Variants in GABPB1 observed in about 807,000 individuals in gnomAD.
GABPB1 encodes the protein GA binding protein transcription factor subunit beta 1.
In GABPB1, 15 loss-of-function variants were observed where a neutral mutation model predicts 45.9. The observed-to-expected ratio is 0.33, with a 90% CI of 0.22 to 0.50. The LOEUF is 0.50. Ranked by LOEUF, GABPB1 falls within the 20% of genes least tolerant of loss-of-function variation. The probability of loss-of-function intolerance (pLI) is 0.98; values close to 1 mark genes in which losing one functional copy is unlikely to be tolerated. For missense variants in GABPB1, 252 were observed against 457.5 expected, an observed-to-expected ratio of 0.55 and a Z score of 4.10; for synonymous variants, 143 against 154.4, an observed-to-expected ratio of 0.93 and a Z score of 0.55.
chr15:50,328,541 T>C (rs2047849730), intron 1 of GABPB1, among the ~76,000 whole-genome samples: 1 of 152,240 alleles, frequency 6.6e-6, no homozygotes, highest in South Asian at 2.1e-4. Flanking sequence ...AATAGCAACA[T>C]GCTTGATATT....
intron 1 of GABPB1, chr15:50,347,494 T>C (rs925864048): frequency 6.6e-6 from 1 of 152,164 alleles, no homozygotes; most frequent in African/African-American, 2.4e-5. Flanking sequence ...CTCTGCATCG[T>C]TCCAATTTTA....
chr15:50,334,705 TCACCATGTTGCC>T (rs1222027847), intron 1 of GABPB1, among the ~76,000 whole-genome samples: 8 of 151,978 alleles, frequency 5.3e-5, no homozygotes, highest in South Asian at 2.1e-4. Context: ...AGACAAGGTT[TCACCATGTTGCC>T]CAGGCTGGCC....
chr15:50,296,905 CTTTTTTTT>C (rs72486745), intron 6 of GABPB1, among the ~76,000 whole-genome samples: 2 of 91,380 alleles, frequency 2.2e-5, no homozygotes, highest in African/African-American at 8.5e-5. Flanking sequence ...TAACTTAATT[CTTTTTTTT>C]TTTTTTTTTT....
rs1258933820 is a variant in GABPB1 at position 50,338,391 on chromosome 15, AG to A, written c.-1+16593del. On this transcript the variant is annotated intron_variant, in intron 1 of 8. Coordinates refer to ENST00000380877, the MANE Select transcript of GABPB1 (RefSeq NM_016654.5). ...CATGTTATGACTCCTTGTCTCCATT[AG>A]GTTAAACTTCTTTGTCTTATATACA... 2.6e-5 allele frequency among the ~76,000 whole-genome samples: 4 copies of A among 152,016 alleles called. No individual in the cohort carries two copies. The South Asian group carries it at 8.3e-4, about 32-fold the overall frequency.
At chr15:50,296,411 TTAAAA>T (rs561361653) in intron 6 of GABPB1, among the ~76,000 whole-genome samples, 16 of 152,344 alleles carry the variant, frequency 1.1e-4, no homozygotes, top group African/African-American at 3.6e-4. Context: ...ACGCTCTTGC[TTAAAA>T]TAAGATAAAA....
intron 1 of GABPB1, among the ~76,000 whole-genome samples, chr15:50,312,610 A>G (rs181043384): frequency 6.6e-6 from 1 of 152,348 alleles, no homozygotes; most frequent in African/African-American, 2.4e-5. Context: ...CCTCTCTCCT[A>G]CAGAAGTACG....
intron 1 of GABPB1, among the ~76,000 whole-genome samples, chr15:50,330,442 C>G (rs1227604100): frequency 6.6e-6 from 1 of 152,186 alleles, no homozygotes; most frequent in African/African-American, 2.4e-5. Context: ...TTGAGTCCCT[C>G]TATCAACTGC....
intron 1 of GABPB1, among the ~76,000 whole-genome samples, chr15:50,342,868 T>C (rs2048426876): frequency 6.6e-6 from 1 of 152,226 alleles, no homozygotes; most frequent in Non-Finnish European, 1.5e-5. Context: ...AAAGAAGGCC[T>C]CTTCAATGAA....
At chr15:50,349,304 C>G (rs897629510) in intron 1 of GABPB1, 2 of 152,118 alleles carry the variant, frequency 1.3e-5, no homozygotes, top group African/African-American at 4.8e-5. Flanking sequence ...CCTATTAGAC[C>G]CTAAGAGTTT....
intron 6 of GABPB1, among the ~76,000 whole-genome samples, chr15:50,296,402 C>T (rs144821166): frequency 6.6e-6 from 1 of 152,182 alleles, no homozygotes; most frequent in Non-Finnish European, 1.5e-5. Flanking sequence ...GTAATAGCGA[C>T]GCTCTTGCTT....
At chr15:50,334,029 T>C (rs2048033520) in intron 1 of GABPB1, among the ~76,000 whole-genome samples, 1 of 84,904 alleles carries the variant, frequency 1.2e-5, no homozygotes, top group Admixed American at 1.4e-4. Flanking sequence ...AAACTCGATC[T>C]CAAAAAAAAA....
chr15:50,297,949 G>T (rs2046580307), intron 6 of GABPB1, among the ~76,000 whole-genome samples: 1 of 152,150 alleles, frequency 6.6e-6, no homozygotes, highest in African/African-American at 2.4e-5. Flanking sequence ...TCTCAGACTA[G>T]ACCAAAACAT....
At chr15:50,320,609 TGCTACCTTACATG>T (rs1447170833) in intron 1 of GABPB1, among the ~76,000 whole-genome samples, 1 of 152,240 alleles carries the variant, frequency 6.6e-6, no homozygotes, top group African/African-American at 2.4e-5. Context: ...CCTGTGAATA[TGCTACCTTACATG>T]GCAAAAGGAA....
In GABPB1 at chr15:50,303,960, A is replaced by T. The variant is rs752140508; in HGVS notation, c.276+6T>A. 4 of 1,587,186 alleles carry T rather than the reference A, an allele frequency of 2.5e-6. No homozygotes were observed. Among genetic ancestry groups the T allele is most frequent in the Non-Finnish European group, 3.4e-6 (4 of 1,169,472 alleles). On this transcript the variant is annotated splice_donor_region_variant and intron_variant, in intron 3 of 8. Coordinates refer to ENST00000380877, the MANE Select transcript of GABPB1 (RefSeq NM_016654.5). ...TAAAAGCAAAGTGCAAAAAGAGAACACATACCTTAAGTAAAACCTCTACTA... is the reference window on the plus strand; with the variant it reads ...TAAAAGCAAAGTGCAAAAAGAGAACTCATACCTTAAGTAAAACCTCTACTA...
chr15:50,317,669 G>T (rs2047389971), intron 1 of GABPB1, among the ~76,000 whole-genome samples: 1 of 152,202 alleles, frequency 6.6e-6, no homozygotes, highest in Non-Finnish European at 1.5e-5. Context: ...CAGCACTTTG[G>T]GAGGCCGAGG....
Position 50,281,352 on chromosome 15 carries a change from T to C in GABPB1, c.1000-2568A>G, listed in dbSNP as rs543948463. Among the ~76,000 whole-genome samples the C allele has an allele frequency of 2.3e-3, 346 of 151,838 alleles. 1 individual carries two copies. The highest frequency in any genetic ancestry group is 3.5e-3 in the Non-Finnish European group (239 of 67,876). On this transcript the variant is annotated intron_variant, in intron 8 of 8. Transcript: ENST00000380877. ...TCAGCCTCCTGAGTAGCTGGGACTATAGGCGCACGCCACCATGCTCAGCTA... is the reference window on the plus strand; with the variant it reads ...TCAGCCTCCTGAGTAGCTGGGACTACAGGCGCACGCCACCATGCTCAGCTA...
intron 6 of GABPB1, among the ~76,000 whole-genome samples, chr15:50,296,028 A>G (rs900464096): frequency 6.6e-6 from 1 of 152,220 alleles, no homozygotes; most frequent in Admixed American, 6.5e-5. Flanking sequence ...TCTAATGGAA[A>G]GTCAATTCCA....
chr15:50,301,724 T>C (rs1476685664), intron 4 of GABPB1, among the ~76,000 whole-genome samples: 2 of 151,836 alleles, frequency 1.3e-5, no homozygotes, highest in African/African-American at 4.8e-5. Context: ...GCCCAGGAGT[T>C]CAAGACCAGC....
At chr15:50,308,715 T>TA (rs1187079655) in intron 2 of GABPB1, among the ~76,000 whole-genome samples, 3 of 152,230 alleles carry the variant, frequency 2.0e-5, no homozygotes, top group African/African-American at 7.2e-5. Context: ...TGCCTTCACT[T>TA]AGTTTTTCAG....
Sources: allele counts gnomAD v4.1 joint callset (sites outside exome capture counted in the v4.1 genomes callset), GRCh38; gene constraint gnomAD v4.1.1; transcripts MANE v1.5; gene names NCBI Gene and HGNC (gene_info 2026-07-23, HGNC 2026-07-21).